The following SIDT1 variants were observed in gnomAD, a reference collection of about 807,000 sequenced individuals.
The protein encoded by SIDT1 is SID1 transmembrane family member 1.
SIDT1 carries 101 observed loss-of-function variants against 107.5 expected under a neutral mutation model. The ratio of observed to expected loss-of-function variants is 0.94; its 90% CI spans 0.80 to 1.11. The LOEUF is 1.11. SIDT1 is among the 50% of genes least tolerant of loss of function. The probability of loss-of-function intolerance (pLI) is 0.00; values close to 1 mark genes in which losing one functional copy is unlikely to be tolerated. For synonymous variants in SIDT1, 395 were observed against 398.2 expected, an observed-to-expected ratio of 0.99 and a Z score of 0.10; for missense variants, 1,076 against 1,058.2, an observed-to-expected ratio of 1.02 and a Z score of -0.23.
chr3:113,578,983 A>G (rs1380686144), intron 4 of SIDT1, among the ~76,000 whole-genome samples: 1 of 152,140 alleles, frequency 6.6e-6, no homozygotes, highest in Non-Finnish European at 1.5e-5. Flanking sequence ...AACTAGTCTC[A>G]TTTTCACCTA....
intron 19 of SIDT1, among the ~76,000 whole-genome samples, chr3:113,613,751 G>C (rs962538349): frequency 6.6e-6 from 1 of 152,198 alleles, no homozygotes; most frequent in Non-Finnish European, 1.5e-5. Context: ...CTTGAGTGCA[G>C]ATATATGCAA....
intron 19 of SIDT1, chr3:113,615,072 A>G: frequency 2.0e-6 from 3 of 1,535,594 alleles, no homozygotes; most frequent in Non-Finnish European, 2.6e-6. Flanking sequence ...GATGTGTCTG[A>G]CACAGGTAAT....
chr3:113,584,657 A>T, intron 7 of SIDT1, 41 bp from the exon 8 acceptor site: 1 of 1,407,036 alleles, frequency 7.1e-7, no homozygotes, highest in Admixed American at 2.0e-5. Context: ...TCATTATCTG[A>T]TTCAATGTGC....
At chr3:113,615,208 C>A in intron 19 of SIDT1, 2 of 921,178 alleles carry the variant, frequency 2.2e-6, no homozygotes, top group South Asian at 1.4e-5. Context: ...AGTGGGGAGC[C>A]AGAGAGAGGC....
At chr3:113,575,247 G>A (rs1257760580) in intron 3 of SIDT1, among the ~76,000 whole-genome samples, 2 of 152,228 alleles carry the variant, frequency 1.3e-5, no homozygotes, top group Admixed American at 6.5e-5. Flanking sequence ...ATGCTGTCAT[G>A]AGGAACCGAT....
intron 1 of SIDT1, among the ~76,000 whole-genome samples, chr3:113,560,985 T>C (rs1209886213): frequency 6.6e-6 from 1 of 152,186 alleles, no homozygotes; most frequent in African/African-American, 2.4e-5. Context: ...CTGCTTGTAG[T>C]AAACACAGGA....
chr3:113,590,606 G>A lies in SIDT1; in HGVS notation c.1002-2399G>A, dbSNP rs572181309. On this transcript the variant is annotated intron_variant, in intron 9 of 24. Transcript: ENST00000264852. ...TTTCATCATTCCAAAAAGAAACTCC[G>A]AGTTTAACAAGATTTCTTGAGATCA... 1.5e-4 allele frequency among the ~76,000 whole-genome samples: 23 copies of A among 152,122 alleles called. No homozygotes were observed. The East Asian group carries it at 2.3e-3, about 15-fold the overall frequency.
At chr3:113,623,808 C>G (rs1946651962) in intron 23 of SIDT1, 75 bp downstream of exon 23, 2 of 948,752 alleles carry the variant, frequency 2.1e-6, no homozygotes, top group Admixed American at 1.8e-5. Context: ...ACCTCCCTCT[C>G]TTAATGTGTT....
chr3:113,566,302 T>C (rs1246198300), intron 1 of SIDT1, 118 bp from the exon 2 acceptor site: 4 of 1,020,094 alleles, frequency 3.9e-6, no homozygotes, highest in Non-Finnish European at 5.7e-6. Flanking sequence ...TTTCTGAGCC[T>C]CACATGGCAA....
chr3:113,624,696 C>G (rs969444336), intron 23 of SIDT1, among the ~76,000 whole-genome samples: 12 of 152,104 alleles, frequency 7.9e-5, no homozygotes, highest in Non-Finnish European at 1.6e-4. Context: ...CCCTCTCCCC[C>G]CACCCTTCCT....
At position 113,608,426 on chromosome 3, in the gene SIDT1, G is replaced by A; in HGVS notation, c.1610G>A (p.Gly537Glu). Residue 537 changes from glycine (G) to glutamate (E), a missense_variant, in exon 17 of 25, where the codon GGG becomes GAG. Coordinates refer to ENST00000264852, the MANE Select transcript of SIDT1 (RefSeq NM_017699.3). ...EAKDIFAVEYGIPKHFGLFYA... is the reference protein window; with the variant it reads ...EAKDIFAVEYEIPKHFGLFYA... Reference sequence around the variant, plus strand: ...CCCTTTCTCCTTTTTCAGGAGTACGGGATTCCCAAACACTTTGGTCTCTTC... The same window carrying A: ...CCCTTTCTCCTTTTTCAGGAGTACGAGATTCCCAAACACTTTGGTCTCTTC... The A allele has an allele frequency of 7.4e-6, 12 of 1,612,246 alleles. No individual in the cohort carries two copies. Among genetic ancestry groups the A allele is most frequent in the Non-Finnish European group, 1.0e-5 (12 of 1,178,312 alleles).
At chr3:113,570,665 G>A (rs1477271615) in intron 3 of SIDT1, among the ~76,000 whole-genome samples, 1 of 152,198 alleles carries the variant, frequency 6.6e-6, no homozygotes, top group Non-Finnish European at 1.5e-5. Context: ...AGCCTTGCTG[G>A]TAACCTGGAA....
chr3:113,560,648 C>T (rs1030004572), intron 1 of SIDT1, among the ~76,000 whole-genome samples: 4 of 152,088 alleles, frequency 2.6e-5, no homozygotes, highest in African/African-American at 9.7e-5. Context: ...CAAGTGGAGT[C>T]AGTTTTCCAA....
At chr3:113,565,653 A>G (rs1297930061) in intron 1 of SIDT1, among the ~76,000 whole-genome samples, 6 of 152,262 alleles carry the variant, frequency 3.9e-5, no homozygotes, top group African/African-American at 7.2e-5. Context: ...GTGTGTATTC[A>G]GAAAGACCCA....
intron 1 of SIDT1, among the ~76,000 whole-genome samples, chr3:113,540,135 T>C (rs1319900820): frequency 1.3e-5 from 2 of 151,830 alleles, no homozygotes; most frequent in African/African-American, 2.4e-5. Context: ...AGAGATCACA[T>C]GGTGAGAGAG....
rs368200129 is a variant in SIDT1 at position 113,599,222 on chromosome 3, G to C, written c.1046-2366G>C. Reference sequence around the variant, plus strand: ...TGTAAAAGACCTACAACATCATCTAGGAATAAGAGCAACCCAGGGGTTCCA... The same window carrying C: ...TGTAAAAGACCTACAACATCATCTACGAATAAGAGCAACCCAGGGGTTCCA... On this transcript the variant is annotated intron_variant, in intron 10 of 24. Coordinates refer to ENST00000264852, the MANE Select transcript of SIDT1 (RefSeq NM_017699.3). Among the ~76,000 whole-genome samples the C allele has an allele frequency of 3.9e-5, 6 of 152,336 alleles. No individual in the cohort carries two copies. The East Asian group carries it at 7.7e-4, about 20-fold the overall frequency.
chr3:113,601,444 C>T (rs1944952371), intron 10 of SIDT1, 144 bp from the exon 11 acceptor site: 2 of 533,846 alleles, frequency 3.7e-6, no homozygotes, highest in African/African-American at 2.0e-5. Flanking sequence ...GCAGATGGGT[C>T]ATAGTTTTGG....
At chr3:113,547,976 G>A (rs1271570023) in intron 1 of SIDT1, among the ~76,000 whole-genome samples, 1 of 152,048 alleles carries the variant, frequency 6.6e-6, no homozygotes, top group Non-Finnish European at 1.5e-5. Flanking sequence ...CAAAATTAAA[G>A]TTTATCATGA....
intron 14 of SIDT1, 78 bp downstream of exon 14, chr3:113,605,054 A>T: frequency 6.7e-7 from 1 of 1,488,366 alleles, no homozygotes; most frequent in Middle Eastern, 1.8e-4. Context: ...ACTGACAGAG[A>T]GAGGTACAAC....
Sources: gnomAD v4.1 joint callset for allele counts (sites outside exome capture counted in the v4.1 genomes callset) on GRCh38, gnomAD v4.1.1 for gene constraint, MANE v1.5 for transcripts, NCBI Gene and HGNC (gene_info 2026-07-23, HGNC 2026-07-21) for gene names.